IGF1R: variants seen among roughly 807,000 people sequenced by gnomAD.
The protein encoded by IGF1R is insulin like growth factor 1 receptor.
IGF1R carries 44 observed loss-of-function variants against 144.6 expected under a neutral mutation model. That is an observed-to-expected ratio of 0.30 (90% CI 0.24 to 0.39). The LOEUF is 0.39. Among genes scored for constraint, IGF1R ranks in the 10% least tolerant of loss-of-function variants. The probability of loss-of-function intolerance (pLI) is 1.00; values close to 1 mark genes in which losing one functional copy is unlikely to be tolerated. For missense variants in IGF1R, 1,355 were observed against 1,833.7 expected (o/e 0.74, Z 4.77); for synonymous variants, 795 against 722.8 (o/e 1.10, Z -1.60).
At chr15:98,754,056 T>G (rs1274868451) in intron 2 of IGF1R, among the ~76,000 whole-genome samples, 3 of 152,232 alleles carry the variant, frequency 2.0e-5, no homozygotes, top group Non-Finnish European at 4.4e-5. Context: ...AATGTATATT[T>G]AACGCACAAT....
Position 98,755,765 on chromosome 15 carries a change from C to T in IGF1R, c.640+47658C>T, listed in dbSNP as rs115731118. Among the ~76,000 whole-genome samples, 599 of 84,532 alleles carry T rather than the reference C, an allele frequency of 7.1e-3. 10 individuals carry two copies. Among genetic ancestry groups the T allele is most frequent in the African/African-American group, 0.02 (558 of 27,968 alleles). The allele number at this position is 84,532 out of a possible 152,430, so 55.5% of individuals were successfully genotyped here. ...AAAAAAAAAAAAAAGGCATTACTGC[C>T]TTGTTCCTGATTTAAATAAAAAAAT... On this transcript the variant is annotated intron_variant, in intron 2 of 20. Coordinates refer to ENST00000650285, the MANE Select transcript of IGF1R (RefSeq NM_000875.5).
chr15:98,667,066 T>TG lies in IGF1R; in HGVS notation c.94+17392dup, dbSNP rs528440064. 1.9e-3 allele frequency among the ~76,000 whole-genome samples: 294 copies of TG among 152,168 alleles called. 1 individual carries two copies. The highest frequency in any genetic ancestry group is 6.5e-3 in the African/African-American group (270 of 41,528). ...GGAACTGTGAGGTCAGGAGAGGCCT[T>TG]GAAAAAAAACGCAGGTTTGAGCTGA... On this transcript the variant is annotated intron_variant, in intron 1 of 20. Transcript: ENST00000650285.
At position 98,946,853 on chromosome 15, in the gene IGF1R, G is replaced by A. The variant is rs1036318143; in HGVS notation, c.3588-1721G>A. Among the ~76,000 whole-genome samples the A allele has an allele frequency of 1.4e-4, 22 of 152,380 alleles. No homozygotes were observed. In the South Asian group the frequency reaches 2.3e-3, roughly 16 times the overall value. On this transcript the variant is annotated intron_variant, in intron 19 of 20. Transcript: ENST00000650285. The stretch of plus-strand genomic sequence containing the variant: ...GGCACGTGGGGCAAGAGGAGAAGTG[G>A]GTCTGGGAGGGAGCCACATCCTCAG...
chr15:98,957,006 C>T lies in IGF1R; in HGVS notation c.3723-55C>T, dbSNP rs1205061048. ...CCACTGCAGGCGGCCCATGAAGCCT[C>T]CTGGCCATGTGCGCCCTCCCGGTTT... On this transcript the variant is annotated intron_variant, in intron 20 of 20. Coordinates refer to ENST00000650285, the MANE Select transcript of IGF1R (RefSeq NM_000875.5). The T allele has an allele frequency of 1.9e-6, 3 of 1,607,908 alleles. No individual in the cohort carries two copies. The African/African-American group carries it at 4.0e-5, about 21-fold the overall frequency.
chr15:98,692,916 G>A (rs758103524), intron 1 of IGF1R, among the ~76,000 whole-genome samples: 2 of 152,116 alleles, frequency 1.3e-5, no homozygotes, highest in Non-Finnish European at 2.9e-5. Context: ...GGTGGGGGAG[G>A]TATGAGTGGT....
intron 1 of IGF1R, among the ~76,000 whole-genome samples, chr15:98,658,989 G>T (rs2052543521): frequency 6.6e-6 from 1 of 152,204 alleles, no homozygotes; most frequent in South Asian, 2.1e-4. Context: ...CATGTCAAGT[G>T]CCTAGAATAG....
intron 2 of IGF1R, among the ~76,000 whole-genome samples, chr15:98,876,030 A>T (rs2013043925): frequency 6.6e-6 from 1 of 152,228 alleles, no homozygotes; most frequent in Admixed American, 6.5e-5. Context: ...GGCCAGCAGC[A>T]AAATAATTCA....
intron 1 of IGF1R, among the ~76,000 whole-genome samples, chr15:98,679,949 TAAAAA>T (rs200754035): frequency 7.0e-6 from 1 of 143,752 alleles, no homozygotes; most frequent in Admixed American, 6.9e-5. Context: ...TTTAAAAAGT[TAAAAA>T]AAAAAGTTAA....
At chr15:98,654,670 T>C (rs1420892053) in intron 1 of IGF1R, among the ~76,000 whole-genome samples, 1 of 152,182 alleles carries the variant, frequency 6.6e-6, no homozygotes, top group East Asian at 1.9e-4. Context: ...GGAAGAGGTA[T>C]TTGCGCCTGT....
intron 2 of IGF1R, among the ~76,000 whole-genome samples, chr15:98,779,301 C>A (rs913015656): frequency 1.3e-5 from 2 of 152,200 alleles, no homozygotes; most frequent in African/African-American, 4.8e-5. Flanking sequence ...GCAATTGATT[C>A]TAAAATTTAG....
intron 2 of IGF1R, among the ~76,000 whole-genome samples, chr15:98,851,058 CAGGAAG>C (rs2141557643): frequency 6.6e-6 from 1 of 152,304 alleles, no homozygotes; most frequent in African/African-American, 2.4e-5. Context: ...AGCACTCCTG[CAGGAAG>C]TGGGCTGGCC....
chr15:98,695,848 G>C (rs2053583116), intron 1 of IGF1R, among the ~76,000 whole-genome samples: 1 of 151,974 alleles, frequency 6.6e-6, no homozygotes, highest in Non-Finnish European at 1.5e-5. Context: ...TTGTGTGCTG[G>C]GTTTCTGCAG....
intron 2 of IGF1R, among the ~76,000 whole-genome samples, chr15:98,831,895 G>A (rs1023589348): frequency 2.0e-5 from 3 of 152,084 alleles, no homozygotes; most frequent in East Asian, 1.9e-4. Flanking sequence ...ATTGCAGGCC[G>A]TAGTGTTCCT....
intron 2 of IGF1R, among the ~76,000 whole-genome samples, chr15:98,889,804 C>G (rs973029163): frequency 6.6e-6 from 1 of 151,870 alleles, no homozygotes; most frequent in Non-Finnish European, 1.5e-5. Flanking sequence ...ATTTTTATTA[C>G]AAGAAAAAAC....
chr15:98,845,953 A>G (rs1267956685), intron 2 of IGF1R, among the ~76,000 whole-genome samples: 1 of 152,242 alleles, frequency 6.6e-6, no homozygotes. Flanking sequence ...TGCATTTGCA[A>G]CAATATCCTT....
chr15:98,770,420 G>A (rs983090466), intron 2 of IGF1R, among the ~76,000 whole-genome samples: 1 of 152,144 alleles, frequency 6.6e-6, no homozygotes. Context: ...GGTGACTATC[G>A]TTAACAGTAA....
At chr15:98,805,798 C>G (rs779410310) in intron 2 of IGF1R, among the ~76,000 whole-genome samples, 1 of 152,226 alleles carries the variant, frequency 6.6e-6, no homozygotes, top group South Asian at 2.1e-4. Flanking sequence ...TGTTGCTACT[C>G]ATAACATTTC....
At chr15:98,724,432 A>C (rs1256532041) in intron 2 of IGF1R, among the ~76,000 whole-genome samples, 8 of 152,190 alleles carry the variant, frequency 5.3e-5, no homozygotes, top group Non-Finnish European at 1.0e-4. Flanking sequence ...CTAAAGTGGG[A>C]GAGAGCAGCC....
Position 98,935,002 on chromosome 15 carries a change from T to C in IGF1R, c.3135T>C (p.Ile1045=), listed in dbSNP as rs1381685192. Reference sequence around the variant, plus strand: ...AGGCCGCAAGCATGCGTGAGAGGATTGAGTTTCTCAACGAAGCTTCTGTGA... The same window carrying C: ...AGGCCGCAAGCATGCGTGAGAGGATCGAGTTTCTCAACGAAGCTTCTGTGA... ...VNEAASMRER[I]EFLNEASVMK... Residue 1045 remains isoleucine (I), a synonymous_variant, in exon 16 of 21, where the codon ATT becomes ATC. Coordinates refer to ENST00000650285, the MANE Select transcript of IGF1R (RefSeq NM_000875.5). This position sits in a 1 kb window ranked among gnomAD's most constrained non-coding sequence, Gnocchi z 4.2. The C allele has an allele frequency of 6.2e-7, 1 of 1,614,120 alleles. No homozygotes were observed. Among genetic ancestry groups the C allele is most frequent in the Admixed American group, 1.7e-5 (1 of 60,022 alleles).
Sources: allele counts gnomAD v4.1 joint callset (sites outside exome capture counted in the v4.1 genomes callset), GRCh38; gene constraint gnomAD v4.1.1; non-coding constraint Gnocchi (gnomAD v3.1); transcripts MANE v1.5; gene names NCBI Gene and HGNC (gene_info 2026-07-23, HGNC 2026-07-21).